Variants in TENM2 observed in about 807,000 individuals in gnomAD.
TENM2 encodes the protein teneurin-2.
A neutral mutation model predicts 245.2 loss-of-function variants in TENM2; 52 were observed. That is an observed-to-expected ratio of 0.21 (90% CI 0.17 to 0.27). The LOEUF is 0.27. Among genes scored for constraint, TENM2 ranks in the 10% least tolerant of loss-of-function variants. TENM2 has a pLI of 1.00. For missense variants in TENM2, 3,046 were observed against 3,666.8 expected (o/e 0.83, Z 4.37); for synonymous variants, 1,363 against 1,438.9 (o/e 0.95, Z 1.19).
chr5:167,889,290 A>G (rs957883501), intron 3 of TENM2, among the ~76,000 whole-genome samples: 2 of 152,016 alleles, frequency 1.3e-5, no homozygotes, highest in Admixed American at 6.6e-5. Context: ...TCTGCTTTTG[A>G]ATTGTGTTGA....
At chr5:166,987,148 G>A in the TENM2 span, among the ~76,000 whole-genome samples, 16 of 152,236 alleles carry the variant, frequency 1.1e-4, no homozygotes, top group African/African-American at 3.9e-4. Flanking sequence ...TGTTCCCATA[G>A]ATTGTGAAGT....
chr5:167,394,145 A>G (rs535131181), intron 2 of TENM2, among the ~76,000 whole-genome samples: 2 of 152,126 alleles, frequency 1.3e-5, no homozygotes, highest in South Asian at 4.2e-4. Context: ...AGTCCCACCT[A>G]TTTTTGCTTT....
chr5:167,640,860 C>CATATATATATATATCCATATAT (rs1779525097), intron 2 of TENM2, among the ~76,000 whole-genome samples: 3 of 47,414 alleles, frequency 6.3e-5, no homozygotes, highest in African/African-American at 1.3e-4. Flanking sequence ...TATATATATC[C>CATATATATATATATCCATATAT]ATATATATAT....
intron 3 of TENM2, among the ~76,000 whole-genome samples, chr5:167,926,331 A>T (rs556355198): frequency 8.5e-5 from 13 of 152,222 alleles, no homozygotes; most frequent in South Asian, 2.1e-4. Flanking sequence ...TCAACTTGTC[A>T]TTGTAAAAGA....
chr5:167,394,445 T>C (rs963723389), intron 2 of TENM2, among the ~76,000 whole-genome samples: 5 of 152,186 alleles, frequency 3.3e-5, no homozygotes, highest in Admixed American at 2.6e-4. Flanking sequence ...GTGGCTTTAT[T>C]TCTGGGCATT....
chr5:167,895,609 C>A (rs1654282323), intron 3 of TENM2, among the ~76,000 whole-genome samples: 1 of 152,190 alleles, frequency 6.6e-6, no homozygotes, highest in Non-Finnish European at 1.5e-5. Flanking sequence ...CAAATACATA[C>A]AAAGCTTATA....
intron 1 of TENM2, among the ~76,000 whole-genome samples, chr5:167,335,017 TGTA>T (rs1757673644): frequency 6.6e-6 from 1 of 152,160 alleles, no homozygotes; most frequent in Non-Finnish European, 1.5e-5. Flanking sequence ...GCTTGGTTGG[TGTA>T]GTAGTCCATT....
the TENM2 span, among the ~76,000 whole-genome samples, chr5:167,260,097 A>C: frequency 2.0e-5 from 3 of 152,208 alleles, no homozygotes; most frequent in African/African-American, 7.2e-5. Context: ...ATCCATCTTC[A>C]TTAATGATTC....
chr5:167,250,643 A>G, the TENM2 span, among the ~76,000 whole-genome samples: 1 of 152,094 alleles, frequency 6.6e-6, no homozygotes, highest in Non-Finnish European at 1.5e-5. Context: ...CTCTGATGTT[A>G]TATATGAGGC....
intron 5 of TENM2, among the ~76,000 whole-genome samples, chr5:168,015,163 G>A (rs1468702625): frequency 6.6e-6 from 1 of 152,214 alleles, no homozygotes; most frequent in Non-Finnish European, 1.5e-5. Context: ...CGAAGACTGA[G>A]GGAAATTTTG....
chr5:167,791,435 A>G (rs984774387), intron 2 of TENM2, among the ~76,000 whole-genome samples: 36 of 145,496 alleles, frequency 2.5e-4, no homozygotes, highest in African/African-American at 8.8e-4. Context: ...TATATTATAT[A>G]TTTATATATA....
chr5:167,568,646 G>GGTGTGTGT (rs3138740), intron 2 of TENM2, among the ~76,000 whole-genome samples: 3,362 of 142,574 alleles, frequency 0.024, 67 homozygotes, highest in African/African-American at 0.064. Context: ...CAGAGACCAT[G>GGTGTGTGT]GTGTGTGTGT....
the TENM2 span, among the ~76,000 whole-genome samples, chr5:167,184,155 A>C: frequency 6.6e-6 from 1 of 152,262 alleles, no homozygotes; most frequent in Admixed American, 6.5e-5. Context: ...CTCTTTGAAG[A>C]TATCCGAGAA....
chr5:167,895,752 C>A (rs1348080715), intron 3 of TENM2, among the ~76,000 whole-genome samples: 6 of 152,204 alleles, frequency 3.9e-5, no homozygotes, highest in Admixed American at 1.3e-4. Flanking sequence ...ATTTTGAGAA[C>A]CATTGACTTA....
chr5:167,923,200 T>C (rs1056504296), intron 3 of TENM2, among the ~76,000 whole-genome samples: 2 of 152,042 alleles, frequency 1.3e-5, no homozygotes, highest in Admixed American at 1.3e-4. Flanking sequence ...TGGTGTGTAG[T>C]CCCAGCTACT....
At chr5:167,017,425 G>T in the TENM2 span, among the ~76,000 whole-genome samples, 1 of 152,136 alleles carries the variant, frequency 6.6e-6, no homozygotes, top group Non-Finnish European at 1.5e-5. Context: ...GGACCATTTG[G>T]TTTTTGTCCC....
At position 167,558,788 on chromosome 5, in the gene TENM2, C is replaced by A. The variant is rs113060446; in HGVS notation, c.502+183315C>A. Among the ~76,000 whole-genome samples, 582 of 152,086 alleles carry A rather than the reference C, an allele frequency of 3.8e-3. 2 individuals are homozygous for A. Among genetic ancestry groups the A allele is most frequent in the Non-Finnish European group, 6.8e-3 (461 of 67,996 alleles). The stretch of plus-strand genomic sequence containing the variant: ...TGTGCTTTAGTCATCCCGAAATCAT[C>A]CCCACCACCACCATCCACTGGGTCC... On this transcript the variant is annotated intron_variant, in intron 2 of 28. Transcript: ENST00000518659.
At chr5:168,138,116 T>A (rs1191145663) in intron 12 of TENM2, among the ~76,000 whole-genome samples, 1 of 152,196 alleles carries the variant, frequency 6.6e-6, no homozygotes, top group Admixed American at 6.5e-5. Context: ...GCATTCCAAG[T>A]TTGAGGCAGT....
At chr5:167,272,323 G>A in the TENM2 span, among the ~76,000 whole-genome samples, 1 of 152,088 alleles carries the variant, frequency 6.6e-6, no homozygotes, top group Non-Finnish European at 1.5e-5. Context: ...GCAAAACAGA[G>A]GAATAAAGGA....
Sources: gnomAD v4.1 joint callset for allele counts (sites outside exome capture counted in the v4.1 genomes callset) on GRCh38, gnomAD v4.1.1 for gene constraint, MANE v1.5 for transcripts, NCBI Gene and HGNC (gene_info 2026-07-23, HGNC 2026-07-21) for gene names.